HDAC9: variants seen among roughly 807,000 people sequenced by gnomAD.
HDAC9 encodes MEF-2 interacting transcription repressor (MITR) protein.
HDAC9 carries 41 observed loss-of-function variants against 139.4 expected under a neutral mutation model. That is an observed-to-expected ratio of 0.29 (90% CI 0.23 to 0.38). The LOEUF is 0.38. Ranked by LOEUF, HDAC9 falls within the 10% of genes least tolerant of loss-of-function variation. The pLI is 1.00. For synonymous variants in HDAC9, 517 were observed against 476.2 expected, an observed-to-expected ratio of 1.09 and a Z score of -1.12; for missense variants, 1,147 against 1,297.0, an observed-to-expected ratio of 0.88 and a Z score of 1.78.
intron 6 of HDAC9, among the ~76,000 whole-genome samples, chr7:18,603,862 G>A (rs930488518): frequency 6.6e-6 from 1 of 152,080 alleles, no homozygotes; most frequent in Non-Finnish European, 1.5e-5. Flanking sequence ...GTTTGTCCAA[G>A]AAAGTGCTTT....
At chr7:18,191,540 A>G (rs1372338074) in intron 2 of HDAC9, among the ~76,000 whole-genome samples, 1 of 152,230 alleles carries the variant, frequency 6.6e-6, no homozygotes, top group Non-Finnish European at 1.5e-5. Flanking sequence ...GTGGCAGGAA[A>G]CGATAAACAC....
chr7:18,093,269 G>T lies in HDAC9; in HGVS notation c.-97+6056G>T, dbSNP rs184636228. Among the ~76,000 whole-genome samples the T allele has an allele frequency of 3.2e-4, 48 of 152,318 alleles. No individual in the cohort carries two copies. The East Asian group carries it at 8.9e-3, about 28-fold the overall frequency. ...CTTTGCCAAGGGTCGTTCAGCTAGG[G>T]GTGGCATTAGGATTTGAATCCAGGT... On this transcript the variant is annotated intron_variant, in intron 1 of 12. Transcript: ENST00000417496.
At chr7:18,817,074 G>T (rs1043593152) in intron 17 of HDAC9, among the ~76,000 whole-genome samples, 2 of 148,888 alleles carry the variant, frequency 1.3e-5, no homozygotes, top group African/African-American at 5.0e-5. Context: ...TCGCGCTGTC[G>T]CCCAGGCTGG....
intron 16 of HDAC9, among the ~76,000 whole-genome samples, chr7:18,771,891 A>G (rs907427411): frequency 6.6e-6 from 1 of 152,174 alleles, no homozygotes; most frequent in Middle Eastern, 3.2e-3. Context: ...AAACAAAACC[A>G]ATATTTTCAA....
intron 22 of HDAC9, among the ~76,000 whole-genome samples, chr7:18,885,107 C>G (rs767160949): frequency 6.6e-6 from 1 of 152,176 alleles, no homozygotes; most frequent in Admixed American, 6.5e-5. Flanking sequence ...ACTTTCTGCT[C>G]GAAACATTCT....
Position 18,866,438 on chromosome 7 carries a change from C to G in HDAC9, c.2685-8040C>G, listed in dbSNP as rs533845557. ...TCCTAACTCACTTTACACATCCTCT[C>G]TGGTGGACTTTCACATTGTTTCTTC... On this transcript the variant is annotated intron_variant, in intron 21 of 25. Transcript: ENST00000686413. Among the ~76,000 whole-genome samples, 54 of 152,272 alleles carry G rather than the reference C, an allele frequency of 3.5e-4. No homozygotes were observed. The South Asian group carries it at 0.011, about 30-fold the overall frequency.
intron 25 of HDAC9, among the ~76,000 whole-genome samples, chr7:18,987,237 G>T (rs562185622): frequency 2.6e-5 from 4 of 152,124 alleles, no homozygotes; most frequent in Non-Finnish European, 2.9e-5. Context: ...TTTGGAATAC[G>T]TCCCATCAAT....
At chr7:18,693,531 G>A (rs1317666181) in intron 12 of HDAC9, among the ~76,000 whole-genome samples, 1 of 152,114 alleles carries the variant, frequency 6.6e-6, no homozygotes, top group Non-Finnish European at 1.5e-5. Flanking sequence ...AGGGAGGAGA[G>A]AGACGAGGAG....
At chr7:18,949,396 T>A (rs1782630588) in intron 23 of HDAC9, 2 of 256,460 alleles carry the variant, frequency 7.8e-6, no homozygotes, top group South Asian at 1.1e-4. Flanking sequence ...TCACTGTGCA[T>A]CTTCCTCCAC....
At chr7:18,787,862 T>A (rs897659958) in intron 16 of HDAC9, among the ~76,000 whole-genome samples, 1 of 152,232 alleles carries the variant, frequency 6.6e-6, no homozygotes, top group East Asian at 1.9e-4. Context: ...TAATTAATAA[T>A]CTATCAGCCT....
chr7:18,685,482 T>C (rs1782204780), intron 12 of HDAC9, among the ~76,000 whole-genome samples: 2 of 152,068 alleles, frequency 1.3e-5, no homozygotes, highest in South Asian at 4.1e-4. Flanking sequence ...TGCTCACCCA[T>C]GCTGACATGT....
rs915813336 is a variant in HDAC9, at chr7:18,666,361, A to T, written c.1616A>T (p.Asp539Val). 2 of 1,613,356 alleles carry T rather than the reference A, an allele frequency of 1.2e-6. No individual in the cohort carries two copies. The highest frequency in any genetic ancestry group is 1.7e-5 in the Admixed American group (1 of 59,950). The change falls in exon 12 of 26, where the codon GAT becomes GTT. Residue 539 changes from aspartate (D) to valine (V), a missense_variant. This residue lies in a region of HDAC9 where 256 missense variants were observed against 219.2 expected (regional missense o/e 1.17). Coordinates refer to ENST00000686413, the MANE Select transcript of HDAC9 (RefSeq NM_178425.4). ...STRSDSSACV[D>V]DTLGQVGAVK... The stretch of plus-strand genomic sequence containing the variant: ...AGGAGCGACAGCAGTGCTTGTGTGG[A>T]TGACACACTGGGACAAGTTGGGGCT...
At chr7:18,506,148 A>G (rs973055660) in intron 2 of HDAC9, 1 of 152,030 alleles carries the variant, frequency 6.6e-6, no homozygotes, top group African/African-American at 2.4e-5. Flanking sequence ...AAATAGCATG[A>G]TAACTGTCTG....
chr7:18,209,133 T>A (rs1791755321), intron 2 of HDAC9, among the ~76,000 whole-genome samples: 1 of 152,246 alleles, frequency 6.6e-6, no homozygotes, highest in African/African-American at 2.4e-5. Context: ...ATAGACATTT[T>A]AATGGAAAGG....
At chr7:18,462,220 G>T (rs1793912988) in intron 1 of HDAC9, among the ~76,000 whole-genome samples, 1 of 151,890 alleles carries the variant, frequency 6.6e-6, no homozygotes, top group African/African-American at 2.4e-5. Context: ...GCCAGTATTT[G>T]ATCTCTGATA....
chr7:18,869,639 A>T (rs949765978), intron 21 of HDAC9, among the ~76,000 whole-genome samples: 2 of 152,170 alleles, frequency 1.3e-5, no homozygotes, highest in African/African-American at 4.8e-5. Context: ...CCAGGTAGAT[A>T]GCGCTGAAAC....
intron 2 of HDAC9, among the ~76,000 whole-genome samples, chr7:18,524,863 TACACACACACACACAC>T (rs57123600): frequency 3.1e-5 from 4 of 127,742 alleles, no homozygotes; most frequent in African/African-American, 8.7e-5. Flanking sequence ...CTTAGTGACA[TACACACACACACACAC>T]ACACACACAC....
rs541453570 is a variant in HDAC9 at position 18,647,598 on chromosome 7, C to A, written c.1036-187C>A. Among the ~76,000 whole-genome samples the A allele has an allele frequency of 6.6e-5, 10 of 152,204 alleles. No individual in the cohort carries two copies. In the South Asian group the frequency reaches 1.5e-3, roughly 22 times the overall value. On this transcript the variant is annotated intron_variant, in intron 9 of 25. Transcript: ENST00000686413. ...ATTAAATTGTCTTCAGTGCTCCAAC[C>A]CTATTTTTATTCCTTCTTTTTTGAA...
At chr7:18,207,966 G>A (rs1271392797) in intron 2 of HDAC9, among the ~76,000 whole-genome samples, 7 of 152,036 alleles carry the variant, frequency 4.6e-5, no homozygotes, top group Admixed American at 3.9e-4. Context: ...TGCCTGCCTC[G>A]GCCTCCGAAA....
Sources: allele counts gnomAD v4.1 joint callset (sites outside exome capture counted in the v4.1 genomes callset), GRCh38; gene constraint gnomAD v4.1.1; regional missense constraint gnomAD v4.1.1; transcripts MANE v1.5; gene names NCBI Gene and HGNC (gene_info 2026-07-23, HGNC 2026-07-21).